The following PDE1A variants were observed in gnomAD, a reference collection of about 807,000 sequenced individuals.
PDE1A encodes the protein phosphodiesterase 1A.
In PDE1A, 35 loss-of-function variants were observed where a neutral mutation model predicts 61.7. The ratio of observed to expected loss-of-function variants is 0.57; its 90% CI spans 0.43 to 0.75. PDE1A has a LOEUF of 0.75. Ranked by LOEUF, PDE1A falls within the 30% of genes least tolerant of loss-of-function variation. PDE1A has a pLI of 0.00. For missense variants in PDE1A, 597 were observed against 630.6 expected, an observed-to-expected ratio of 0.95 and a Z score of 0.57; for synonymous variants, 232 against 213.2, an observed-to-expected ratio of 1.09 and a Z score of -0.77.
chr2:182,281,591 T>C (rs1362266214), intron 1 of PDE1A, among the ~76,000 whole-genome samples: 1 of 151,980 alleles, frequency 6.6e-6, no homozygotes, highest in Non-Finnish European at 1.5e-5. Flanking sequence ...AAAAAATAAC[T>C]GTGCATACTC....
intron 2 of PDE1A, among the ~76,000 whole-genome samples, chr2:182,510,207 A>G (rs73044449): frequency 0.069 from 10,577 of 152,230 alleles, 384 homozygotes; most frequent in Middle Eastern, 0.1. Flanking sequence ...TCAAGAAAGT[A>G]TAGCTGAAAG....
At chr2:182,699,528 T>C in the PDE1A span, among the ~76,000 whole-genome samples, 1 of 152,210 alleles carries the variant, frequency 6.6e-6, no homozygotes, top group Non-Finnish European at 1.5e-5. Context: ...TATTTTTTCT[T>C]CTGTAAGATA....
At chr2:182,325,826 G>C (rs770542911) in intron 1 of PDE1A, among the ~76,000 whole-genome samples, 1 of 152,154 alleles carries the variant, frequency 6.6e-6, no homozygotes, top group Non-Finnish European at 1.5e-5. Flanking sequence ...GGCTGAAGCA[G>C]GAGAATTGCT....
Position 182,520,390 on chromosome 2 carries a change from AAAAG to A in PDE1A, c.101+1882_101+1885del, listed in dbSNP as rs376343038. Among the ~76,000 whole-genome samples, 89 of 152,056 alleles carry A rather than the reference AAAAG, an allele frequency of 5.9e-4. 1 individual carries two copies. The East Asian group carries it at 9.6e-3, about 16-fold the overall frequency. On this transcript the variant is annotated intron_variant, in intron 2 of 14. Coordinates refer to the PDE1A transcript ENST00000410103. ...TTTAGTCAGTTAGATAATGATTTTT[AAAAG>A]AAAGAAAGAAAGAAACTTGGTTAAT...
intron 2 of PDE1A, among the ~76,000 whole-genome samples, chr2:182,453,718 C>T (rs867994479): frequency 4.6e-5 from 7 of 152,072 alleles, no homozygotes; most frequent in Middle Eastern, 3.2e-3. Context: ...AATTCAACAA[C>T]CCTTCATGCT....
At chr2:182,678,381 C>T in the PDE1A span, among the ~76,000 whole-genome samples, 1 of 152,168 alleles carries the variant, frequency 6.6e-6, no homozygotes, top group Admixed American at 6.5e-5. Context: ...CGATATCATG[C>T]CATTGCACTC....
At chr2:182,307,937 T>C (rs868544056) in intron 1 of PDE1A, among the ~76,000 whole-genome samples, 3 of 143,362 alleles carry the variant, frequency 2.1e-5, no homozygotes, top group Middle Eastern at 3.6e-3. Context: ...AGAACCCTTG[T>C]ACACTGCTGG....
At chr2:182,337,769 T>C (rs1697932519) in intron 1 of PDE1A, among the ~76,000 whole-genome samples, 1 of 152,194 alleles carries the variant, frequency 6.6e-6, no homozygotes, top group South Asian at 2.1e-4. Context: ...TTGTTACCTT[T>C]TTGACAAAAA....
chr2:182,697,382 A>T, the PDE1A span, among the ~76,000 whole-genome samples: 1 of 152,208 alleles, frequency 6.6e-6, no homozygotes, highest in South Asian at 2.1e-4. Context: ...TTCTCACAGT[A>T]TTATTTCAAA....
At chr2:182,388,728 T>C (rs1205975221) in intron 1 of PDE1A, among the ~76,000 whole-genome samples, 1 of 151,636 alleles carries the variant, frequency 6.6e-6, no homozygotes, top group African/African-American at 2.4e-5. Context: ...TCTCAAACAA[T>C]CTAGCACTGC....
chr2:182,516,702 G>GAGGAAAGAAGGAAGGAAGGAAGGA (rs1690181413), intron 2 of PDE1A, among the ~76,000 whole-genome samples: 5 of 116,764 alleles, frequency 4.3e-5, no homozygotes, highest in Admixed American at 9.3e-5. Flanking sequence ...GGGAGGAAGG[G>GAGGAAAGAAGGAAGGAAGGAAGGA]AGGAAGGAAG....
intron 1 of PDE1A, among the ~76,000 whole-genome samples, chr2:182,370,541 T>C (rs577389015): frequency 6.6e-6 from 1 of 152,272 alleles, no homozygotes; most frequent in South Asian, 2.1e-4. Context: ...AAGGAGCAGC[T>C]CAGAGGGGGC....
chr2:182,458,379 AAAG>A (rs1365296828), intron 2 of PDE1A, among the ~76,000 whole-genome samples: 1 of 152,126 alleles, frequency 6.6e-6, no homozygotes, highest in Non-Finnish European at 1.5e-5. Context: ...TTTTGAAAAA[AAAG>A]AAGTTAACAA....
intron 1 of PDE1A, among the ~76,000 whole-genome samples, chr2:182,310,121 T>C (rs1348373726): frequency 6.6e-6 from 1 of 152,184 alleles, no homozygotes; most frequent in Non-Finnish European, 1.5e-5. Context: ...AAACCAGGGC[T>C]TAATTTCATC....
At position 182,255,664 on chromosome 2, in the gene PDE1A, T is replaced by C. The variant is rs191892438; in HGVS notation, c.167+8637A>G. On this transcript the variant is annotated intron_variant, in intron 2 of 13. Coordinates refer to ENST00000351439, the Ensembl canonical transcript of PDE1A. ...TTCTTTTCTTTCTTTCTTTTCTTTT[T>C]TTTTTTTTTTTGAGACAGAGTCTTG... Among the ~76,000 whole-genome samples the C allele has an allele frequency of 3.5e-3, 526 of 149,848 alleles. 3 individuals carry two copies. Among genetic ancestry groups the C allele is most frequent in the African/African-American group, 0.012 (501 of 40,792 alleles).
chr2:182,199,204 A>G (rs1183495122), intron 10 of PDE1A, among the ~76,000 whole-genome samples: 1 of 151,890 alleles, frequency 6.6e-6, no homozygotes. Context: ...TCTTTCATTT[A>G]TAGTTTTTTC....
chr2:182,461,100 A>C (rs1431108075), intron 2 of PDE1A, among the ~76,000 whole-genome samples: 1 of 152,116 alleles, frequency 6.6e-6, no homozygotes, highest in Non-Finnish European at 1.5e-5. Context: ...TCACAGACTT[A>C]TTTGGCCATG....
the PDE1A span, among the ~76,000 whole-genome samples, chr2:182,663,955 T>C: frequency 2.0e-5 from 3 of 152,128 alleles, no homozygotes; most frequent in African/African-American, 7.2e-5. Context: ...AGACATAGAC[T>C]AAGAAAACTT....
At chr2:182,200,096 A>G (rs1425821431) in intron 10 of PDE1A, among the ~76,000 whole-genome samples, 1 of 152,248 alleles carries the variant, frequency 6.6e-6, no homozygotes, top group East Asian at 1.9e-4. Flanking sequence ...AACAATACTG[A>G]GAAATGAAAT....
Sources: gnomAD v4.1 joint callset for allele counts (sites outside exome capture counted in the v4.1 genomes callset) on GRCh38, gnomAD v4.1.1 for gene constraint, MANE v1.5 for transcripts, NCBI Gene and HGNC (gene_info 2026-07-23, HGNC 2026-07-21) for gene names.